SYNE1: variants seen among roughly 807,000 people sequenced by gnomAD.
SYNE1 encodes nesprin-1.
Under a neutral mutation model 1,111.0 loss-of-function variants are expected in SYNE1, and 616 were observed. The ratio of observed to expected loss-of-function variants is 0.55; its 90% CI spans 0.52 to 0.59. The LOEUF (loss-of-function observed/expected upper bound fraction) is 0.59, where lower values mean the gene tolerates loss of function less well. Ranked by LOEUF, SYNE1 falls within the 20% of genes least tolerant of loss-of-function variation. SYNE1 has a pLI of 0.00. For synonymous variants in SYNE1, 3,855 were observed against 3,825.8 expected (o/e 1.01, Z -0.28); for missense variants, 10,006 against 10,417.0 (o/e 0.96, Z 1.72).
intron 3 of SYNE1, among the ~76,000 whole-genome samples, chr6:152,608,970 G>A (rs2099623730): frequency 6.6e-6 from 1 of 151,964 alleles, no homozygotes; most frequent in Non-Finnish European, 1.5e-5. Context: ...AGTTAGACAA[G>A]CTGATTTTGA....
chr6:152,429,382 A>AT (rs937089539), intron 36 of SYNE1, among the ~76,000 whole-genome samples: 3 of 152,258 alleles, frequency 2.0e-5, no homozygotes, highest in South Asian at 2.1e-4. Context: ...ACTTTTCCTC[A>AT]TTTTTTGTAT....
chr6:152,305,614 G>C (rs1305762299), intron 91 of SYNE1, among the ~76,000 whole-genome samples: 5 of 152,128 alleles, frequency 3.3e-5, no homozygotes, highest in Non-Finnish European at 4.4e-5. Context: ...TAAATGATCA[G>C]TTATTTTTAA....
chr6:152,218,100 C>A (rs1415141787), intron 121 of SYNE1, among the ~76,000 whole-genome samples, 157 bp downstream of exon 121: 1 of 151,508 alleles, frequency 6.6e-6, no homozygotes, highest in Non-Finnish European at 1.5e-5. Flanking sequence ...GAGGATGAGG[C>A]AGAATCGCTT....
In SYNE1 at chr6:152,156,077, C is replaced by T; in HGVS notation, c.23811G>A (p.Glu7937=). The T allele has an allele frequency of 1.9e-6, 3 of 1,614,154 alleles. No individual in the cohort carries two copies. The highest frequency in any genetic ancestry group is 2.5e-6 in the Non-Finnish European group (3 of 1,180,020). ...NEQQELQRDI[E]KHSTGVASVL... ...CAGATGCAACACCTGTACTGTGCTTCTCTATGTCTCTCTGAAGCTCCTGCA... is the reference window on the plus strand; with the variant it reads ...CAGATGCAACACCTGTACTGTGCTTTTCTATGTCTCTCTGAAGCTCCTGCA... The change falls in exon 132 of 146, where the codon GAG becomes GAA. Residue 7937 remains glutamate, a synonymous_variant. Transcript: ENST00000367255.
In SYNE1 at chr6:152,416,431, G is replaced by C. The variant is rs539415603; in HGVS notation, c.6006C>G (p.Asp2002Glu). The part of the protein sequence containing the change: ...KSIEDIEERT[D>E]KERLKEPTRQ... ...GGGTAGGTTCTTTCAATCGCTCTTT[G>C]TCAGTCCTTTCTTCAATGTCCTCAA... is the stretch of plus-strand genomic sequence containing the variant. The change falls in exon 41 of 146, where the codon GAC becomes GAG. Residue 2002 changes from aspartate (D) to glutamate (E), a missense_variant. By Grantham distance (45) the Asp-to-Glu change is conservative (BLOSUM62 2). Coordinates refer to ENST00000367255, the MANE Select transcript of SYNE1 (RefSeq NM_182961.4). 6 of 1,614,010 alleles carry C rather than the reference G, an allele frequency of 3.7e-6. No homozygotes were observed. Among genetic ancestry groups the C allele is most frequent in the African/African-American group, 1.3e-5 (1 of 74,916 alleles).
Position 152,466,791 on chromosome 6 carries a change from T to C in SYNE1, c.1633-713A>G, listed in dbSNP as rs530009851. Among the ~76,000 whole-genome samples the C allele has an allele frequency of 7.2e-5, 11 of 152,246 alleles. No individual in the cohort carries two copies. In the East Asian group the frequency reaches 1.5e-3, roughly 21 times the overall value. Reference sequence around the variant, plus strand: ...ATAATGTGCGTTTCAAAGATTATTATTACTTCTTGAAAGTAGAAAATTAAT... The same window carrying C: ...ATAATGTGCGTTTCAAAGATTATTACTACTTCTTGAAAGTAGAAAATTAAT... On this transcript the variant is annotated intron_variant, in intron 16 of 145. Transcript: ENST00000367255.
chr6:152,560,250 CAGCTACTCGG>C (rs2099390729), intron 3 of SYNE1, among the ~76,000 whole-genome samples: 1 of 152,092 alleles, frequency 6.6e-6, no homozygotes, highest in South Asian at 2.1e-4. Context: ...CCTATAGTCC[CAGCTACTCGG>C]GAGGCTGAGG....
chr6:152,185,515 G>C (rs529261422), intron 128 of SYNE1: 4 of 152,254 alleles, frequency 2.6e-5, no homozygotes, highest in African/African-American at 9.6e-5. Context: ...ATCCTCCTTA[G>C]AGTTACATCC....
At position 152,428,433 on chromosome 6, in the gene SYNE1, C is replaced by G. The variant is rs909469088; in HGVS notation, c.4789-41G>C. ...GAAGAATGCAGTGAAAGCACAGGAG[C>G]CAACGAGGCCTGCATTTTTCTTTGA... On this transcript the variant is annotated intron_variant, in intron 36 of 145. Transcript: ENST00000367255. The G allele has an allele frequency of 6.8e-6, 11 of 1,606,434 alleles. No homozygotes were observed. The African/African-American group carries it at 1.5e-4, about 22-fold the overall frequency.
At chr6:152,270,814 A>T (rs1256440699) in intron 98 of SYNE1, among the ~76,000 whole-genome samples, 2 of 152,184 alleles carry the variant, frequency 1.3e-5, no homozygotes, top group African/African-American at 4.8e-5. Context: ...GGCCTAAGGA[A>T]GCATCTTTAG....
At position 152,295,081 on chromosome 6, in the gene SYNE1, G is replaced by A. The variant is rs181291030; in HGVS notation, c.17683-954C>T. Reference sequence around the variant, plus strand: ...AGAAACAAATGTAGCAGTGTCATGCGGTAGAATGAATTCAGACTGGGACAG... The same window carrying A: ...AGAAACAAATGTAGCAGTGTCATGCAGTAGAATGAATTCAGACTGGGACAG... On this transcript the variant is annotated intron_variant, in intron 93 of 145. Coordinates refer to ENST00000367255, the MANE Select transcript of SYNE1 (RefSeq NM_182961.4). 8.5e-4 allele frequency among the ~76,000 whole-genome samples: 130 copies of A among 152,292 alleles called. 2 individuals are homozygous for A. The highest frequency in any genetic ancestry group is 6.5e-4 in the Non-Finnish European group (44 of 68,014).
At chr6:152,385,355 T>G (rs2154123272) in intron 55 of SYNE1, among the ~76,000 whole-genome samples, 1 of 152,360 alleles carries the variant, frequency 6.6e-6, no homozygotes, top group South Asian at 2.1e-4. Context: ...AGTTACTATA[T>G]AAACTTTTCT....
chr6:152,425,321 A>T (rs368237494), intron 39 of SYNE1, 60 bp downstream of exon 39: 7 of 1,551,754 alleles, frequency 4.5e-6, no homozygotes, highest in South Asian at 2.3e-5. Flanking sequence ...TTCTTAATTT[A>T]TATGCTCATC....
intron 49 of SYNE1, among the ~76,000 whole-genome samples, chr6:152,398,074 C>T (rs1179963612): frequency 6.6e-6 from 1 of 151,996 alleles, no homozygotes; most frequent in East Asian, 1.9e-4. Context: ...AGCTGCTTGA[C>T]AAGCTTGGCC....
chr6:152,504,131 A>G (rs2099044770), intron 9 of SYNE1, among the ~76,000 whole-genome samples: 1 of 152,148 alleles, frequency 6.6e-6, no homozygotes, highest in South Asian at 2.1e-4. Flanking sequence ...CTCTAGGAAT[A>G]ATGTCAGCTC....
chr6:152,264,486 A>G (rs2092467200), intron 100 of SYNE1, among the ~76,000 whole-genome samples: 1 of 152,148 alleles, frequency 6.6e-6, no homozygotes, highest in Admixed American at 6.6e-5. Context: ...ATAAGTCTCT[A>G]GAAATAAGAC....
chr6:152,604,514 G>A (rs960799417), intron 3 of SYNE1, among the ~76,000 whole-genome samples: 1 of 151,996 alleles, frequency 6.6e-6, no homozygotes, highest in African/African-American at 2.4e-5. Context: ...ATGTTGCCCA[G>A]GCTGGTCTTG....
intron 33 of SYNE1, 27 bp downstream of exon 33, chr6:152,435,914 A>G: frequency 6.2e-7 from 1 of 1,613,858 alleles, no homozygotes. Context: ...CTCAGAGAAG[A>G]AAGTTTAGGA....
chr6:152,510,391 C>T lies in SYNE1; in HGVS notation c.403-20G>A, dbSNP rs749068753. On this transcript the variant is annotated intron_variant, in intron 7 of 145. Coordinates refer to ENST00000367255, the MANE Select transcript of SYNE1 (RefSeq NM_182961.4). Reference sequence around the variant, plus strand: ...TTCAATCTGTTTGTGAGTTAACAGCCAGCAAAAATATAAGCATTATCTTTG... The same window carrying T: ...TTCAATCTGTTTGTGAGTTAACAGCTAGCAAAAATATAAGCATTATCTTTG... 1 of 1,612,374 alleles carries T rather than the reference C, an allele frequency of 6.2e-7. No individual in the cohort carries two copies. The highest frequency in any genetic ancestry group is 1.7e-5 in the Admixed American group (1 of 59,860).
Sources: gnomAD v4.1 joint callset for allele counts (sites outside exome capture counted in the v4.1 genomes callset) on GRCh38, gnomAD v4.1.1 for gene constraint, MANE v1.5 for transcripts, NCBI Gene and HGNC (gene_info 2026-07-23, HGNC 2026-07-21) for gene names.